The following ZFAND4 variants were observed in gnomAD, a reference collection of about 807,000 sequenced individuals.
ZFAND4 encodes the protein AN1-type zinc finger protein 4.
In ZFAND4, 43 loss-of-function variants were observed where a neutral mutation model predicts 64.4. The ratio of observed to expected loss-of-function variants is 0.67; its 90% CI spans 0.52 to 0.86. The LOEUF (loss-of-function observed/expected upper bound fraction) is 0.86, where lower values mean the gene tolerates loss of function less well. Among genes scored for constraint, ZFAND4 ranks in the 40% least tolerant of loss-of-function variants. ZFAND4 has a pLI of 0.00. For missense variants in ZFAND4, 929 were observed against 859.8 expected (o/e 1.08, Z -1.01); for synonymous variants, 296 against 305.7 (o/e 0.97, Z 0.33).
At chr10:45,648,213 G>A in intron 5 of ZFAND4, 81 bp downstream of exon 5, 5 of 1,350,334 alleles carry the variant, frequency 3.7e-6, no homozygotes, top group Non-Finnish European at 4.9e-6. Flanking sequence ...TGGGGGCTGG[G>A]GCAGGAATGA....
At position 45,626,898 on chromosome 10, in the gene ZFAND4, T is replaced by C. The variant is rs3739965; in HGVS notation, c.925A>G (p.Ile309Val). The C allele has an allele frequency of 7.4e-6, 12 of 1,614,218 alleles. 1 individual carries two copies. The highest frequency in any genetic ancestry group is 1.6e-4 in the Middle Eastern group (1 of 6,062). ...LATQLSAERY[I>V]SSITGEFLKE... ...AGAAATTCACCAGTGATAGAAGATA[T>C]GTATCTCTCAGCAGAGAGTTGAGTT... Residue 309 changes from isoleucine to valine, a missense_variant, in exon 7 of 10, where the codon ATA becomes GTA. Coordinates refer to ENST00000344646, the MANE Select transcript of ZFAND4 (RefSeq NM_174890.4).
At chr10:45,645,083 G>A (rs1288877964) in intron 5 of ZFAND4, among the ~76,000 whole-genome samples, 1 of 150,360 alleles carries the variant, frequency 6.7e-6, no homozygotes, top group Non-Finnish European at 1.5e-5. Flanking sequence ...TTGGGCTCAA[G>A]CAATCCTCCC....
At chr10:45,629,447 C>T (rs1054009772) in intron 6 of ZFAND4, among the ~76,000 whole-genome samples, 6 of 151,928 alleles carry the variant, frequency 3.9e-5, no homozygotes, top group African/African-American at 1.5e-4. Context: ...GAAAAGGCAA[C>T]CATTGAGACT....
intron 2 of ZFAND4, chr10:45,662,514 T>C: frequency 1.2e-6 from 1 of 834,410 alleles, no homozygotes; most frequent in Non-Finnish European, 1.4e-6. Flanking sequence ...AGGTATCCTT[T>C]AAACTATGAT....
chr10:45,626,652 CG>C lies in ZFAND4; in HGVS notation c.1170del (p.Glu391AsnfsTer26), dbSNP rs763017887. The C allele has an allele frequency of 6.2e-7, 1 of 1,614,042 alleles. No individual in the cohort carries two copies. Among genetic ancestry groups the C allele is most frequent in the Non-Finnish European group, 8.5e-7 (1 of 1,180,040 alleles). The stretch of plus-strand genomic sequence containing the variant: ...CCCACTTTAGGTAGAAGTGATTGTT[CG>C]GTTACACATTCTTCTGAAGGTAAGA... ...NIVLPSEECV[T>X]EQSLLPKVGS... is the part of the protein sequence containing the mutation. On this transcript the variant is annotated frameshift_variant, in exon 7 of 10. Transcript: ENST00000344646. LOFTEE classifies it high-confidence loss of function.
intron 6 of ZFAND4, among the ~76,000 whole-genome samples, chr10:45,639,048 CG>C (rs1486556750): frequency 6.6e-6 from 1 of 151,806 alleles, no homozygotes; most frequent in Non-Finnish European, 1.5e-5. Context: ...TGTAAAAATT[CG>C]TCAAGTAGTA....
chr10:45,658,498 T>G (rs2048275960), intron 2 of ZFAND4, among the ~76,000 whole-genome samples: 1 of 152,220 alleles, frequency 6.6e-6, no homozygotes, highest in Non-Finnish European at 1.5e-5. Context: ...ACTAATACAA[T>G]ATGTGAATTG....
intron 5 of ZFAND4, among the ~76,000 whole-genome samples, chr10:45,645,678 C>A (rs1434058732): frequency 6.6e-6 from 1 of 152,120 alleles, no homozygotes; most frequent in Non-Finnish European, 1.5e-5. Flanking sequence ...CACGTAACAG[C>A]AAGCTGCAAT....
At chr10:45,671,531 T>C (rs1000543796) in intron 1 of ZFAND4, among the ~76,000 whole-genome samples, 11 of 152,114 alleles carry the variant, frequency 7.2e-5, no homozygotes, top group African/African-American at 2.7e-4. Flanking sequence ...GTCCTTTGCA[T>C]GGACATGGAT....
intron 8 of ZFAND4, among the ~76,000 whole-genome samples, chr10:45,622,201 C>T (rs1456905154): frequency 6.6e-6 from 1 of 152,168 alleles, no homozygotes; most frequent in East Asian, 1.9e-4. Context: ...TCCTCGTATA[C>T]ATGATCAAAT....
intron 8 of ZFAND4, among the ~76,000 whole-genome samples, chr10:45,622,222 A>G (rs1412994803): frequency 6.6e-6 from 1 of 152,230 alleles, no homozygotes; most frequent in Non-Finnish European, 1.5e-5. Context: ...GACTTTCAAC[A>G]CGGGTGCCAA....
chr10:45,658,517 G>A (rs1283053952), intron 2 of ZFAND4, among the ~76,000 whole-genome samples: 1 of 152,118 alleles, frequency 6.6e-6, no homozygotes, highest in African/African-American at 2.4e-5. Flanking sequence ...TGTATGATAT[G>A]TAAATTATAT....
chr10:45,654,069 A>G (rs1388074627), intron 2 of ZFAND4, among the ~76,000 whole-genome samples: 1 of 152,222 alleles, frequency 6.6e-6, no homozygotes, highest in Non-Finnish European at 1.5e-5. Context: ...ATGCAGGAAC[A>G]GAAAACCCAA....
chr10:45,649,347 C>T (rs746984532), intron 4 of ZFAND4, among the ~76,000 whole-genome samples: 1 of 152,046 alleles, frequency 6.6e-6, no homozygotes, highest in Non-Finnish European at 1.5e-5. Context: ...ACTTCATGTA[C>T]TAAAACTGCA....
At chr10:45,618,811 A>C (rs1476608546) in intron 8 of ZFAND4, among the ~76,000 whole-genome samples, 1 of 152,228 alleles carries the variant, frequency 6.6e-6, no homozygotes, top group Non-Finnish European at 1.5e-5. Flanking sequence ...TAGGTTAATA[A>C]GCACTTTAAG....
At chr10:45,669,034 G>A (rs1181373764) in intron 1 of ZFAND4, among the ~76,000 whole-genome samples, 1 of 152,100 alleles carries the variant, frequency 6.6e-6, no homozygotes, top group Admixed American at 6.5e-5. Flanking sequence ...CAGGAGGCAA[G>A]AAATAACTAA....
At chr10:45,625,326 T>A (rs1011993593) in intron 7 of ZFAND4, among the ~76,000 whole-genome samples, 4 of 150,304 alleles carry the variant, frequency 2.7e-5, no homozygotes, top group African/African-American at 9.7e-5. Flanking sequence ...CAAAAAAAAT[T>A]AGCCAGGCGT....
At chr10:45,664,274 CTT>C (rs748024984) in intron 1 of ZFAND4, among the ~76,000 whole-genome samples, 15 of 141,776 alleles carry the variant, frequency 1.1e-4, no homozygotes, top group Admixed American at 2.1e-4. Context: ...GTACATTTGA[CTT>C]TTTTTTTTTT....
chr10:45,655,957 C>T (rs528581537), intron 2 of ZFAND4, among the ~76,000 whole-genome samples: 16 of 152,202 alleles, frequency 1.1e-4, no homozygotes, highest in African/African-American at 2.7e-4. Context: ...ACTGGCCGGG[C>T]GCAGTGGCTC....
Sources: allele counts gnomAD v4.1 joint callset (sites outside exome capture counted in the v4.1 genomes callset), GRCh38; gene constraint gnomAD v4.1.1; transcripts MANE v1.5; gene names NCBI Gene and HGNC (gene_info 2026-07-23, HGNC 2026-07-21).